Variants in ETFB observed in about 807,000 individuals in gnomAD.
ETFB encodes the protein beta-ETF.
ETFB carries 20 observed loss-of-function variants against 25.6 expected under a neutral mutation model. The ratio of observed to expected loss-of-function variants is 0.78; its 90% CI spans 0.55 to 1.14. The LOEUF is 1.14. ETFB is among the 50% of genes most tolerant of loss of function. The pLI, the probability that ETFB is intolerant of heterozygous loss-of-function variation, is 0.00. For missense variants in ETFB, 286 were observed against 342.6 expected (o/e 0.83, Z 1.30); for synonymous variants, 142 against 146.7 (o/e 0.97, Z 0.23).
At chr19:51,350,175 A>G in intron 4 of ETFB, 154 bp downstream of exon 4, 1 of 794,280 alleles carries the variant, frequency 1.3e-6, no homozygotes, top group South Asian at 1.5e-5. Flanking sequence ...ACCTCAGCAG[A>G]GACCTCAAGG....
Position 51,366,250 on chromosome 19 carries a change from G to T in ETFB, c.57+20C>A, listed in dbSNP as rs1426302614. ...CACGGCTGCGGGACTCAGGGATGTGGGAGAGGGGGGCCCGATCACCTTCAC... is the reference window on the plus strand; with the variant it reads ...CACGGCTGCGGGACTCAGGGATGTGTGAGAGGGGGGCCCGATCACCTTCAC... On this transcript the variant is annotated intron_variant, in intron 1 of 5. Transcript: ENST00000309244. The T allele has an allele frequency of 6.2e-7, 1 of 1,612,868 alleles. No individual in the cohort carries two copies. The highest frequency in any genetic ancestry group is 8.5e-7 in the Non-Finnish European group (1 of 1,179,020).
At chr19:51,345,728 G>A (rs1054631935) in intron 5 of ETFB, 1 of 392,306 alleles carries the variant, frequency 2.5e-6, no homozygotes, top group African/African-American at 2.1e-5. Context: ...CCAATAGGCT[G>A]AGATGATGCA....
rs148261223 is a variant in ETFB, at chr19:51,366,287, T to G, written c.40A>C (p.Ile14Leu). 263 of 1,613,784 alleles carry G rather than the reference T, an allele frequency of 1.6e-4. No homozygotes were observed. Among genetic ancestry groups the G allele is most frequent in the Non-Finnish European group, 2.0e-4 (234 of 1,180,014 alleles). ...CCGATCACCTTCACGGCGTAGTCGA[T>G]GACCCTCTTGACAGCTACGAGCACG... is the stretch of plus-strand genomic sequence containing the variant. ...LRVLVAVKRV[I>L]DYAVKIRVKP... The change falls in exon 1 of 6, where the codon ATC (isoleucine) becomes CTC (leucine). Residue 14 changes from isoleucine (I) to leucine (L), a missense_variant. By Grantham distance (5) the Ile-to-Leu change is conservative (BLOSUM62 2). Transcript: ENST00000309244.
intron 1 of ETFB, among the ~76,000 whole-genome samples, chr19:51,357,561 C>A (rs1048220889): frequency 7.0e-6 from 1 of 142,852 alleles, no homozygotes; most frequent in Admixed American, 7.4e-5. Flanking sequence ...ATGATCTCAG[C>A]TCATTGCAAC....
chr19:51,353,074 C>T, intron 3 of ETFB, 58 bp downstream of exon 3: 1 of 1,606,258 alleles, frequency 6.2e-7, no homozygotes, highest in Non-Finnish European at 8.5e-7. Context: ...GTATCTCCAC[C>T]ACCCTCCTCC....
In ETFB at chr19:51,366,382, A is replaced by T; in HGVS notation, c.-56T>A. Reference sequence around the variant, plus strand: ...CCGCACCCTCAGCGGCTCAGTCCAGAAGCCCCACCACCCCCGCCCCCCGCG... The same window carrying T: ...CCGCACCCTCAGCGGCTCAGTCCAGTAGCCCCACCACCCCCGCCCCCCGCG... On this transcript the variant is annotated 5_prime_UTR_variant, in exon 1 of 6. Coordinates refer to ENST00000309244, the MANE Select transcript of ETFB (RefSeq NM_001985.3). The T allele has an allele frequency of 6.5e-7, 1 of 1,538,994 alleles. No homozygotes were observed. Among genetic ancestry groups the T allele is most frequent in the Non-Finnish European group, 8.9e-7 (1 of 1,129,254 alleles).
Position 51,350,493 on chromosome 19 carries a change from T to G in ETFB, c.376-102A>C, listed in dbSNP as rs1018013375. 2.0e-5 allele frequency: 14 copies of G among 706,242 alleles called. No homozygotes were observed. The Middle Eastern group carries it at 1.0e-3, about 50-fold the overall frequency. The allele number at this position is 706,242 out of a possible 1,614,324, so 43.7% of individuals were successfully genotyped here. ...GGTTGGCAAACTTTTTCTTTCTTTT[T>G]TTTCTTTTTGAGACGGAGTCTTGCT... On this transcript the variant is annotated intron_variant, in intron 3 of 5. Transcript: ENST00000309244.
intron 1 of ETFB, chr19:51,356,951 CCT>C (rs1214172742): frequency 6.6e-6 from 1 of 152,176 alleles, no homozygotes; most frequent in Non-Finnish European, 1.5e-5. Context: ...GTCTAGTCTC[CCT>C]CTGTCTCTCT....
chr19:51,350,161 T>TGATA (rs1478220621), intron 4 of ETFB, 168 bp downstream of exon 4: 4 of 707,600 alleles, frequency 5.7e-6, no homozygotes, highest in Non-Finnish European at 9.7e-6. Flanking sequence ...TTTGAAGAGG[T>TGATA]GATACCTCAG....
intron 4 of ETFB, 49 bp from the exon 5 acceptor site, chr19:51,347,107 C>T (rs778952850): frequency 1.2e-5 from 20 of 1,600,246 alleles, no homozygotes; most frequent in Admixed American, 5.0e-5. Context: ...AATTCAGGTC[C>T]GACCCGAGCA....
At chr19:51,351,281 C>T (rs1568466974) in intron 3 of ETFB, among the ~76,000 whole-genome samples, 1 of 152,214 alleles carries the variant, frequency 6.6e-6, no homozygotes, top group Non-Finnish European at 1.5e-5. Flanking sequence ...CTGCTGGGGT[C>T]ACTGGGCTGG....
chr19:51,347,646 C>A (rs1262828352), intron 4 of ETFB: 1 of 153,844 alleles, frequency 6.5e-6, no homozygotes, highest in African/African-American at 2.4e-5. Flanking sequence ...ACATTTCCTC[C>A]CCTGGTAACT....
chr19:51,352,838 C>T (rs577525038), intron 3 of ETFB, among the ~76,000 whole-genome samples: 1 of 152,094 alleles, frequency 6.6e-6, no homozygotes, highest in Non-Finnish European at 1.5e-5. Context: ...ATGTTGGCCA[C>T]GCTAATCTCA....
rs1190771575 is a variant in ETFB, at chr19:51,345,306, TCA to T, written c.671_672del (p.Val224AspfsTer19). 3 of 1,613,946 alleles carry T rather than the reference TCA, an allele frequency of 1.9e-6. No individual in the cohort carries two copies. In the Admixed American group the frequency reaches 5.0e-5, roughly 27 times the overall value. On this transcript the variant is annotated frameshift_variant, in exon 6 of 6. Coordinates refer to ENST00000309244, the MANE Select transcript of ETFB (RefSeq NM_001985.3). LOFTEE classifies it high-confidence loss of function. ...LGVDLTSKLS[V>X]ISVEDPPQRT... ...CGCTGGGGCGGGTCCTCCACACTGA[TCA>T]CAGAGAGCTTGGAGGTCAGGTCCAC...
In ETFB at chr19:51,366,331, C is replaced by T. The variant is rs1220561684; in HGVS notation, c.-5G>A. 2.5e-6 allele frequency: 4 copies of T among 1,612,448 alleles called. No individual in the cohort carries two copies. The highest frequency in any genetic ancestry group is 3.4e-6 in the Non-Finnish European group (4 of 1,179,900). ...GAGCACGCGCAGCTCCGCCATCTTC[C>T]CGCCGCAGCCACTTACAGGGTCAGC... On this transcript the variant is annotated 5_prime_UTR_variant, in exon 1 of 6. Transcript: ENST00000309244.
Position 51,347,216 on chromosome 19 carries a change from C to T in ETFB, c.439-158G>A, listed in dbSNP as rs549396954. The T allele has an allele frequency of 1.3e-4, 94 of 722,838 alleles. 1 individual carries two copies. The African/African-American group carries it at 1.4e-3, about 11-fold the overall frequency. The allele number at this position is 722,838 out of a possible 1,614,324, so 44.8% of individuals were successfully genotyped here. On this transcript the variant is annotated intron_variant, in intron 4 of 5. Coordinates refer to ENST00000309244, the MANE Select transcript of ETFB (RefSeq NM_001985.3). ...TGAGGTTTAGAATCGAGCTTGTACA[C>T]CTGGGAGAGGGTCTTTTTCCTTTCC... is the stretch of plus-strand genomic sequence containing the variant.
At chr19:51,356,507 G>A (rs1986084058) in intron 1 of ETFB, 1 of 152,174 alleles carries the variant, frequency 6.6e-6, no homozygotes, top group Admixed American at 6.5e-5. Context: ...TTGCTAAACA[G>A]ACAAGGGAGG....
Position 51,351,042 on chromosome 19 carries a change from G to A in ETFB, c.376-651C>T, listed in dbSNP as rs529733447. On this transcript the variant is annotated intron_variant, in intron 3 of 5. Coordinates refer to ENST00000309244, the MANE Select transcript of ETFB (RefSeq NM_001985.3). ...CAGCCACTTGTCCAGGGACATGTGGGGCCACCTGGCATCCCTGTCGTCAAG... is the reference window on the plus strand; with the variant it reads ...CAGCCACTTGTCCAGGGACATGTGGAGCCACCTGGCATCCCTGTCGTCAAG... Among the ~76,000 whole-genome samples the A allele has an allele frequency of 3.9e-4, 59 of 152,308 alleles. 2 individuals carry two copies. In the South Asian group the frequency reaches 0.012, roughly 30 times the overall value.
At chr19:51,357,177 A>C (rs957090138) in intron 1 of ETFB, 1 of 150,978 alleles carries the variant, frequency 6.6e-6, no homozygotes, top group Non-Finnish European at 1.5e-5. Flanking sequence ...GGGTTCAAGC[A>C]ATTTGCCTGC....
Sources: gnomAD v4.1 joint callset for allele counts (sites outside exome capture counted in the v4.1 genomes callset) on GRCh38, gnomAD v4.1.1 for gene constraint, MANE v1.5 for transcripts, NCBI Gene and HGNC (gene_info 2026-07-23, HGNC 2026-07-21) for gene names.